The following RIMS2 variants were observed in gnomAD, a reference collection of about 807,000 sequenced individuals.
RIMS2 encodes regulating synaptic membrane exocytosis 2.
A neutral mutation model predicts 174.4 loss-of-function variants in RIMS2; 59 were observed. That is an observed-to-expected ratio of 0.34 (90% confidence interval 0.27 to 0.42). RIMS2 has a LOEUF of 0.42. Among genes scored for constraint, RIMS2 ranks in the 10% least tolerant of loss-of-function variants. The pLI is 1.00. For synonymous variants in RIMS2, 606 were observed against 572.5 expected, an observed-to-expected ratio of 1.06 and a Z score of -0.84; for missense variants, 1,620 against 1,666.3, an observed-to-expected ratio of 0.97 and a Z score of 0.48.
chr8:103,804,716 T>C (rs1477611492), intron 3 of RIMS2, among the ~76,000 whole-genome samples: 1 of 152,218 alleles, frequency 6.6e-6, no homozygotes, highest in Non-Finnish European at 1.5e-5. Context: ...CCTGCAAAGG[T>C]GCTGTAGCCA....
At chr8:103,748,608 A>G (rs2097849299) in intron 2 of RIMS2, among the ~76,000 whole-genome samples, 1 of 152,050 alleles carries the variant, frequency 6.6e-6, no homozygotes, top group Non-Finnish European at 1.5e-5. Flanking sequence ...ACCAAATTTC[A>G]TTACTATTTC....
chr8:103,856,291 T>G (rs2154495087), intron 3 of RIMS2, among the ~76,000 whole-genome samples: 1 of 152,304 alleles, frequency 6.6e-6, no homozygotes, highest in East Asian at 1.9e-4. Context: ...TTTGCGCCTG[T>G]GGGTGTTGTT....
chr8:103,759,422 G>A (rs1297777712), intron 2 of RIMS2, among the ~76,000 whole-genome samples: 1 of 152,036 alleles, frequency 6.6e-6, no homozygotes. Flanking sequence ...AAAATTAGCT[G>A]GGCGTGGCGG....
intron 19 of RIMS2, among the ~76,000 whole-genome samples, chr8:104,130,748 A>T (rs984705987): frequency 6.6e-6 from 1 of 152,144 alleles, no homozygotes; most frequent in Non-Finnish European, 1.5e-5. Context: ...AAGTTATCCC[A>T]GCTAGAGGGT....
intron 19 of RIMS2, among the ~76,000 whole-genome samples, chr8:104,232,160 T>C (rs2099233838): frequency 1.3e-5 from 2 of 152,354 alleles, no homozygotes; most frequent in Admixed American, 1.3e-4. Flanking sequence ...AAGAAGTACT[T>C]AACAAACATG....
At chr8:104,157,643 G>C (rs2098732817) in intron 19 of RIMS2, among the ~76,000 whole-genome samples, 1 of 152,094 alleles carries the variant, frequency 6.6e-6, no homozygotes, top group Admixed American at 6.6e-5. Context: ...ATCAGAATTT[G>C]CTTCTTTTTT....
At chr8:104,151,424 C>T (rs556464566) in intron 19 of RIMS2, among the ~76,000 whole-genome samples, 2 of 152,124 alleles carry the variant, frequency 1.3e-5, no homozygotes, top group Admixed American at 6.5e-5. Flanking sequence ...CAAAAGTTAG[C>T]CCCTCATGAT....
At chr8:104,059,222 C>G (rs1300598306) in intron 19 of RIMS2, among the ~76,000 whole-genome samples, 40 of 146,160 alleles carry the variant, frequency 2.7e-4, no homozygotes, top group South Asian at 6.7e-4. Flanking sequence ...TCTTCCATTT[C>G]TTTGTATCCT....
chr8:104,026,116 TG>T (rs890588719), intron 19 of RIMS2, among the ~76,000 whole-genome samples: 4 of 152,176 alleles, frequency 2.6e-5, no homozygotes, highest in African/African-American at 9.6e-5. Context: ...GTAATCATGA[TG>T]CTATTTTTAA....
intron 3 of RIMS2, among the ~76,000 whole-genome samples, chr8:103,790,687 C>T (rs918771910): frequency 6.6e-6 from 1 of 151,968 alleles, no homozygotes; most frequent in Non-Finnish European, 1.5e-5. Context: ...AGCATCTTTT[C>T]TTGTGTTCAA....
chr8:103,811,763 G>T (rs937943500), intron 3 of RIMS2, among the ~76,000 whole-genome samples: 1 of 152,200 alleles, frequency 6.6e-6, no homozygotes, highest in East Asian at 1.9e-4. Context: ...GGTTTTAGGT[G>T]TGGGAACTGC....
intron 19 of RIMS2, among the ~76,000 whole-genome samples, chr8:104,223,059 G>A (rs538260530): frequency 1.3e-5 from 2 of 152,312 alleles, no homozygotes; most frequent in Non-Finnish European, 2.9e-5. Flanking sequence ...CTGTGAACCT[G>A]AGGAAAGGGA....
chr8:104,114,156 T>G (rs1272694409), intron 19 of RIMS2, among the ~76,000 whole-genome samples: 1 of 152,064 alleles, frequency 6.6e-6, no homozygotes, highest in Non-Finnish European at 1.5e-5. Flanking sequence ...TCTCTAAATG[T>G]GTTTAAAATA....
At chr8:103,607,559 T>G (rs968410971) in intron 1 of RIMS2, among the ~76,000 whole-genome samples, 1 of 148,106 alleles carries the variant, frequency 6.8e-6, no homozygotes, top group African/African-American at 2.6e-5. Context: ...CCTTGCTAGA[T>G]CGGGGAAATT....
At chr8:103,737,150 T>C (rs1427455644) in intron 2 of RIMS2, among the ~76,000 whole-genome samples, 1 of 151,158 alleles carries the variant, frequency 6.6e-6, no homozygotes, top group Non-Finnish European at 1.5e-5. Context: ...GCATAATTTT[T>C]CCTTTTCTTT....
At chr8:103,865,496 G>T (rs1341603113) in intron 3 of RIMS2, among the ~76,000 whole-genome samples, 9 of 151,498 alleles carry the variant, frequency 5.9e-5, no homozygotes, top group Non-Finnish European at 1.0e-4. Context: ...TGTTGGCCAG[G>T]CTGGTCTTGA....
intron 17 of RIMS2, among the ~76,000 whole-genome samples, chr8:104,009,005 A>G (rs1439838707): frequency 6.6e-6 from 1 of 152,042 alleles, no homozygotes; most frequent in Admixed American, 6.6e-5. Context: ...TGCAATCCTC[A>G]TAACATTAGA....
At chr8:104,200,439 G>A (rs936696017) in intron 19 of RIMS2, among the ~76,000 whole-genome samples, 1 of 152,138 alleles carries the variant, frequency 6.6e-6, no homozygotes, top group South Asian at 2.1e-4. Flanking sequence ...AGGATTAAAA[G>A]GGAGAAACTG....
At chr8:103,806,537 C>T (rs909711111) in intron 3 of RIMS2, among the ~76,000 whole-genome samples, 11 of 151,680 alleles carry the variant, frequency 7.3e-5, no homozygotes, top group African/African-American at 9.7e-5. Flanking sequence ...TTTCTGTAGA[C>T]GGAGGAGGTT....
Sources: allele counts gnomAD v4.1 joint callset (sites outside exome capture counted in the v4.1 genomes callset), GRCh38; gene constraint gnomAD v4.1.1; transcripts MANE v1.5; gene names NCBI Gene and HGNC (gene_info 2026-07-23, HGNC 2026-07-21).